The following SCML4 variants were observed in gnomAD, a reference collection of about 807,000 sequenced individuals.
The protein encoded by SCML4 is sex comb on midleg-like protein 4.
A neutral mutation model predicts 41.1 loss-of-function variants in SCML4; 34 were observed. The observed-to-expected ratio is 0.83, with a 90% CI of 0.63 to 1.10. The LOEUF (loss-of-function observed/expected upper bound fraction) is 1.10. Ranked by LOEUF, SCML4 falls within the 50% of genes least tolerant of loss-of-function variation. The pLI is 0.00. For synonymous variants in SCML4, 214 were observed against 220.9 expected (o/e 0.97, Z 0.28); for missense variants, 522 against 534.1 (o/e 0.98, Z 0.22).
At chr6:107,834,945 A>T in the SCML4 span, among the ~76,000 whole-genome samples, 1 of 152,156 alleles carries the variant, frequency 6.6e-6, no homozygotes, top group South Asian at 2.1e-4. Flanking sequence ...CTGAAAAAAA[A>T]AAAAGGAATT....
chr6:107,709,363 G>T (rs768271728), intron 6 of SCML4, among the ~76,000 whole-genome samples: 15 of 152,202 alleles, frequency 9.9e-5, no homozygotes, highest in Non-Finnish European at 2.1e-4. Flanking sequence ...GTGTGAAATG[G>T]CAGTGCTTTC....
intron 1 of SCML4, among the ~76,000 whole-genome samples, chr6:107,789,791 G>C (rs994656361): frequency 6.6e-6 from 1 of 152,268 alleles, no homozygotes; most frequent in Admixed American, 6.5e-5. Context: ...CATGTCCCCC[G>C]GGCTGTGGGC....
At chr6:107,765,037 T>A (rs1456004758) in intron 2 of SCML4, among the ~76,000 whole-genome samples, 1 of 152,186 alleles carries the variant, frequency 6.6e-6, no homozygotes, top group Non-Finnish European at 1.5e-5. Context: ...ATCAGCAGGG[T>A]GAAAACAGAC....
At chr6:107,839,148 C>A in the SCML4 span, among the ~76,000 whole-genome samples, 7 of 151,920 alleles carry the variant, frequency 4.6e-5, no homozygotes, top group Admixed American at 3.9e-4. Context: ...CAAAAATGAG[C>A]CGGGCATGGT....
chr6:107,831,157 T>C, the SCML4 span, among the ~76,000 whole-genome samples: 1 of 151,802 alleles, frequency 6.6e-6, no homozygotes, highest in Admixed American at 6.6e-5. Flanking sequence ...AAGGAAGAGA[T>C]GAGGGGAGGG....
chr6:107,771,844 G>A (rs895704422), intron 2 of SCML4, among the ~76,000 whole-genome samples: 2 of 152,204 alleles, frequency 1.3e-5, no homozygotes, highest in African/African-American at 2.4e-5. Flanking sequence ...GGAACAGTCA[G>A]GGGAAAGCTC....
At chr6:107,836,773 A>G in the SCML4 span, among the ~76,000 whole-genome samples, 1 of 152,216 alleles carries the variant, frequency 6.6e-6, no homozygotes, top group Non-Finnish European at 1.5e-5. Flanking sequence ...AAAAAGAAAA[A>G]TCAGGACCAC....
chr6:107,764,741 CTCCCATAAT>C (rs1424442248), intron 2 of SCML4, among the ~76,000 whole-genome samples: 1 of 152,208 alleles, frequency 6.6e-6, no homozygotes, highest in Admixed American at 6.5e-5. Flanking sequence ...TGAATTGTAG[CTCCCATAAT>C]TCCCACGTGT....
Position 107,812,880 on chromosome 6 carries a change from T to TACACACACACAC in SCML4, c.-60+11234_-60+11245dup, listed in dbSNP as rs141469245. On this transcript the variant is annotated intron_variant, in intron 1 of 7. Coordinates refer to ENST00000369020, the MANE Select transcript of SCML4 (RefSeq NM_198081.5). ...GTAGAGCTCTTTACACACAGACACATACACACACACACACACACACACACA... is the reference window on the plus strand; with the variant it reads ...GTAGAGCTCTTTACACACAGACACATACACACACACACACACACACACACACACACACACACA... Among the ~76,000 whole-genome samples the TACACACACACAC allele has an allele frequency of 5.7e-3, 803 of 141,460 alleles. 3 individuals are homozygous for TACACACACACAC. The highest frequency in any genetic ancestry group is 9.4e-3 in the African/African-American group (354 of 37,718). The allele number at this position is 141,460 out of a possible 152,430, so 92.8% of individuals were successfully genotyped here.
intron 1 of SCML4, among the ~76,000 whole-genome samples, chr6:107,778,524 T>G (rs919490634): frequency 2.0e-5 from 3 of 152,216 alleles, no homozygotes; most frequent in Non-Finnish European, 4.4e-5. Context: ...GATTTTCCGC[T>G]GGCTTCCTAA....
chr6:107,754,768 A>G (rs1247258128), intron 2 of SCML4, among the ~76,000 whole-genome samples: 1 of 152,236 alleles, frequency 6.6e-6, no homozygotes, highest in Non-Finnish European at 1.5e-5. Context: ...TACTGTTCAT[A>G]TAGACCTCCT....
At chr6:107,845,430 T>C in the SCML4 span, among the ~76,000 whole-genome samples, 1 of 152,216 alleles carries the variant, frequency 6.6e-6, no homozygotes, top group African/African-American at 2.4e-5. Context: ...TACTGTTAGC[T>C]TGTTTTCACC....
At chr6:107,751,578 CTTT>C (rs1562218549) in intron 2 of SCML4, among the ~76,000 whole-genome samples, 10 of 69,964 alleles carry the variant, frequency 1.4e-4, no homozygotes, top group African/African-American at 5.2e-4. Context: ...AACAATCTTT[CTTT>C]CTTTCTTTCT....
chr6:107,734,336 C>G (rs1776845833), intron 5 of SCML4, among the ~76,000 whole-genome samples: 1 of 152,130 alleles, frequency 6.6e-6, no homozygotes, highest in African/African-American at 2.4e-5. Flanking sequence ...AAAATTTTAT[C>G]AAAGGGGTCA....
At chr6:107,823,891 A>G (rs953566722) in intron 1 of SCML4, among the ~76,000 whole-genome samples, 1 of 152,246 alleles carries the variant, frequency 6.6e-6, no homozygotes, top group Non-Finnish European at 1.5e-5. Flanking sequence ...ATATAATTCA[A>G]TGTTACATTT....
chr6:107,803,056 C>T (rs1241473143), intron 1 of SCML4, among the ~76,000 whole-genome samples: 1 of 151,904 alleles, frequency 6.6e-6, no homozygotes, highest in Non-Finnish European at 1.5e-5. Flanking sequence ...CTCAATGGTG[C>T]CCAGGCTGGA....
intron 5 of SCML4, among the ~76,000 whole-genome samples, chr6:107,738,615 C>G (rs1777302649): frequency 6.6e-6 from 1 of 151,488 alleles, no homozygotes; most frequent in Non-Finnish European, 1.5e-5. Flanking sequence ...AGAGAGAGTC[C>G]ATCTTGAAAA....
At chr6:107,719,990 G>C in intron 6 of SCML4, 4 of 985,430 alleles carry the variant, frequency 4.1e-6, no homozygotes, top group Non-Finnish European at 4.8e-6. Flanking sequence ...TTTGTAGACT[G>C]CATTCCAACA....
chr6:107,810,431 C>T (rs879899080), intron 1 of SCML4, among the ~76,000 whole-genome samples: 1 of 152,020 alleles, frequency 6.6e-6, no homozygotes, highest in African/African-American at 2.4e-5. Context: ...AGGAAAAAGG[C>T]AGAGAGGGGC....
Sources: gnomAD v4.1 joint callset for allele counts (sites outside exome capture counted in the v4.1 genomes callset) on GRCh38, gnomAD v4.1.1 for gene constraint, MANE v1.5 for transcripts, NCBI Gene and HGNC (gene_info 2026-07-23, HGNC 2026-07-21) for gene names.